Variants in TTC6 observed in about 807,000 individuals in gnomAD.
TTC6 encodes tetratricopeptide repeat protein 6.
TTC6 carries 172 observed loss-of-function variants against 210.4 expected under a neutral mutation model. The ratio of observed to expected loss-of-function variants is 0.82; its 90% CI spans 0.72 to 0.93. The LOEUF is 0.93. Among genes scored for constraint, TTC6 ranks in the 40% least tolerant of loss-of-function variants. The pLI is 0.00. For synonymous variants in TTC6, 804 were observed against 819.6 expected (o/e 0.98, Z 0.32); for missense variants, 2,414 against 2,318.1 (o/e 1.04, Z -0.85).
rs2096100526 is a variant in TTC6 at position 37,799,367 on chromosome 14, G to A, written c.4029+2420G>A. ...TTTACTCTGGCACAACCAAATCTTG[G>A]AAAATTGTTTATAGTCCTTATCTTC... On this transcript the variant is annotated intron_variant, in intron 20 of 30. Transcript: ENST00000553443. 2.0e-5 allele frequency among the ~76,000 whole-genome samples: 3 copies of A among 152,174 alleles called. No individual in the cohort carries two copies. The South Asian group carries it at 6.2e-4, about 32-fold the overall frequency.
intron 1 of TTC6, among the ~76,000 whole-genome samples, chr14:37,669,628 T>A (rs71407707): frequency 0.057 from 8,689 of 152,240 alleles, 379 homozygotes; most frequent in Non-Finnish European, 0.089. Flanking sequence ...GTGACTACCT[T>A]AGTGATCATA....
intron 1 of TTC6, among the ~76,000 whole-genome samples, chr14:37,677,444 G>A (rs1390840152): frequency 6.6e-6 from 1 of 151,518 alleles, no homozygotes; most frequent in Non-Finnish European, 1.5e-5. Flanking sequence ...GGTTTTTTTT[G>A]TATTCTTTCT....
At chr14:37,762,970 C>T (rs1251714844) in intron 14 of TTC6, among the ~76,000 whole-genome samples, 3 of 150,672 alleles carry the variant, frequency 2.0e-5, no homozygotes, top group Non-Finnish European at 3.0e-5. Context: ...CTGCAAGCTC[C>T]ACCTCCCGGG....
intron 29 of TTC6, chr14:37,837,355 C>T: frequency 2.2e-6 from 1 of 452,866 alleles, no homozygotes; most frequent in Middle Eastern, 3.3e-4. Flanking sequence ...GAGTCTTTCC[C>T]TTGACTCATT....
chr14:37,805,943 G>A (rs1483387798), intron 21 of TTC6, among the ~76,000 whole-genome samples: 2 of 151,936 alleles, frequency 1.3e-5, no homozygotes, highest in Admixed American at 6.6e-5. Flanking sequence ...CTCATGATCC[G>A]CCCGCCTTGG....
intron 21 of TTC6, 113 bp downstream of exon 23, chr14:37,804,927 T>A: frequency 3.4e-6 from 4 of 1,165,828 alleles, no homozygotes; most frequent in Non-Finnish European, 4.9e-6. Context: ...CCAAAGCTGC[T>A]TATGAAGCTT....
At chr14:37,723,050 T>G (rs2095864858) in intron 6 of TTC6, among the ~76,000 whole-genome samples, 1 of 152,222 alleles carries the variant, frequency 6.6e-6, no homozygotes. Context: ...AATACAGTAC[T>G]ACATTATTAT....
At chr14:37,654,108 C>T (rs1354046229) in intron 1 of TTC6, among the ~76,000 whole-genome samples, 2 of 151,736 alleles carry the variant, frequency 1.3e-5, no homozygotes, top group Non-Finnish European at 2.9e-5. Context: ...GCCCAAATCT[C>T]ATACTGAAAT....
intron 3 of TTC6, among the ~76,000 whole-genome samples, chr14:37,695,253 A>G (rs1389940623): frequency 6.6e-6 from 1 of 152,068 alleles, no homozygotes; most frequent in Admixed American, 6.6e-5. Context: ...GAGAGGCTTG[A>G]TGGGTGTGAA....
chr14:37,609,695 T>A (rs2095631076), intron 2 of TTC6, among the ~76,000 whole-genome samples: 1 of 152,192 alleles, frequency 6.6e-6, no homozygotes, highest in African/African-American at 2.4e-5. Flanking sequence ...TATTTCAAGG[T>A]TACATTAATT....
chr14:37,660,371 T>C (rs1378722526), intron 1 of TTC6, among the ~76,000 whole-genome samples: 1 of 152,156 alleles, frequency 6.6e-6, no homozygotes, highest in Non-Finnish European at 1.5e-5. Context: ...TTTTTCCTAA[T>C]GCTCTCCCCC....
At chr14:37,800,794 G>C (rs2096104682) in intron 20 of TTC6, among the ~76,000 whole-genome samples, 1 of 152,108 alleles carries the variant, frequency 6.6e-6, no homozygotes, top group Non-Finnish European at 1.5e-5. Flanking sequence ...AAGTTTTTAG[G>C]AGAATTATTT....
chr14:37,786,358 T>G (rs894133243), intron 14 of TTC6, among the ~76,000 whole-genome samples: 2 of 152,238 alleles, frequency 1.3e-5, no homozygotes, highest in African/African-American at 4.8e-5. Flanking sequence ...GTTGCTGCCT[T>G]GCAGTTTGAT....
At chr14:37,721,947 C>T (rs2095862879) in intron 6 of TTC6, among the ~76,000 whole-genome samples, 1 of 144,438 alleles carries the variant, frequency 6.9e-6, no homozygotes, top group Non-Finnish European at 1.5e-5. Flanking sequence ...TATATTTTTT[C>T]CCCCTCAGTG....
intron 7 of TTC6, among the ~76,000 whole-genome samples, chr14:37,731,208 C>T (rs2095885153): frequency 6.6e-6 from 1 of 152,134 alleles, no homozygotes; most frequent in African/African-American, 2.4e-5. Flanking sequence ...TTAAAGACAC[C>T]TTATTTAATA....
chr14:37,759,913 A>G lies in TTC6; in HGVS notation c.3266+6678A>G, dbSNP rs577328833. Reference sequence around the variant, plus strand: ...TAGCAGTTCCTGTTAACCTGTTATCAAGGTGTTTAGCTTCCTTGCATTGGG... The same window carrying G: ...TAGCAGTTCCTGTTAACCTGTTATCGAGGTGTTTAGCTTCCTTGCATTGGG... On this transcript the variant is annotated intron_variant, in intron 14 of 30. Coordinates refer to ENST00000553443, the Ensembl canonical transcript of TTC6. Among the ~76,000 whole-genome samples, 7 of 152,248 alleles carry G rather than the reference A, an allele frequency of 4.6e-5. No homozygotes were observed. In the South Asian group the frequency reaches 1.0e-3, roughly 23 times the overall value.
intron 7 of TTC6, among the ~76,000 whole-genome samples, chr14:37,726,387 C>T (rs150963308): frequency 6.6e-5 from 10 of 152,040 alleles, no homozygotes; most frequent in Non-Finnish European, 1.3e-4. Context: ...TGGATGGAGT[C>T]TTGTTCATAT....
At chr14:37,741,714 C>T (rs967502193) in intron 10 of TTC6, among the ~76,000 whole-genome samples, 1 of 152,150 alleles carries the variant, frequency 6.6e-6, no homozygotes, top group Non-Finnish European at 1.5e-5. Context: ...AAGCAGACTG[C>T]GTATGTTCTT....
At chr14:37,628,055 C>T (rs993606841) in intron 1 of TTC6, among the ~76,000 whole-genome samples, 2 of 152,184 alleles carry the variant, frequency 1.3e-5, no homozygotes, top group African/African-American at 4.8e-5. Flanking sequence ...ACTGCAACCT[C>T]CACCTCCCAG....
Sources: gnomAD v4.1 joint callset for allele counts (sites outside exome capture counted in the v4.1 genomes callset) on GRCh38, gnomAD v4.1.1 for gene constraint, MANE v1.5 for transcripts, NCBI Gene and HGNC (gene_info 2026-07-23, HGNC 2026-07-21) for gene names.